FAAP100: variants seen among roughly 807,000 people sequenced by gnomAD.
The protein encoded by FAAP100 is FA core complex associated protein 100.
Under a neutral mutation model 65.8 loss-of-function variants are expected in FAAP100, and 46 were observed. The observed-to-expected ratio is 0.70, with a 90% CI of 0.55 to 0.89. FAAP100 has a LOEUF of 0.89. Ranked by LOEUF, FAAP100 falls within the 40% of genes least tolerant of loss-of-function variation. The pLI, the probability that FAAP100 is intolerant of heterozygous loss-of-function variation, is 0.00. For synonymous variants in FAAP100, 663 were observed against 555.1 expected (o/e 1.19, Z -2.73); for missense variants, 1,165 against 1,196.7 (o/e 0.97, Z 0.39).
At chr17:81,549,864 G>A (rs762590033) in intron 3 of FAAP100, among the ~76,000 whole-genome samples, 4 of 152,342 alleles carry the variant, frequency 2.6e-5, no homozygotes, top group African/African-American at 7.2e-5. Flanking sequence ...CATGACACGA[G>A]CAAGCGTTTG....
rs550476362 is a variant in FAAP100, at chr17:81,550,222, C to T, written c.1246+26G>A. 4.8e-5 allele frequency: 75 copies of T among 1,553,532 alleles called. 1 individual carries two copies. The South Asian group carries it at 6.6e-4, about 14-fold the overall frequency. On this transcript the variant is annotated intron_variant, in intron 3 of 8. Coordinates refer to ENST00000327787, the MANE Select transcript of FAAP100 (RefSeq NM_025161.6). ...AGGGTGCTCCACCCTGGGCTCCCAT[C>T]TTTCATTTTAGACAGCAGCTCATAC...
chr17:81,551,301 C>T (rs1284615020), intron 2 of FAAP100, 98 bp from the exon 3 acceptor site: 1 of 1,220,254 alleles, frequency 8.2e-7, no homozygotes, highest in Non-Finnish European at 1.1e-6. Flanking sequence ...CTCAGGGGTT[C>T]CCGCAGTGAC....
chr17:81,549,085 A>ATGGCC (rs2033406304), intron 4 of FAAP100, 121 bp downstream of exon 4: 2 of 897,294 alleles, frequency 2.2e-6, no homozygotes, highest in Non-Finnish European at 3.2e-6. Context: ...AGGCCAAGTA[A>ATGGCC]TGGCCTGGCC....
At position 81,541,401 on chromosome 17, in the gene FAAP100, G is replaced by T; in HGVS notation, c.2428-6C>A. ...GCCTGCTCTGTCACCATCGTCTGGG[G>T]GACACAGGAGACATGCTGGAGAGGG... On this transcript the variant is annotated splice_polypyrimidine_tract_variant and splice_region_variant and intron_variant, in intron 7 of 8. Coordinates refer to ENST00000327787, the MANE Select transcript of FAAP100 (RefSeq NM_025161.6). The T allele has an allele frequency of 6.3e-7, 1 of 1,597,716 alleles. No individual in the cohort carries two copies. Among genetic ancestry groups the T allele is most frequent in the Non-Finnish European group, 8.6e-7 (1 of 1,169,174 alleles).
intron 7 of FAAP100, among the ~76,000 whole-genome samples, chr17:81,542,568 G>A (rs1446302917): frequency 6.6e-6 from 1 of 152,106 alleles, no homozygotes; most frequent in East Asian, 1.9e-4. Context: ...TGTTCCTGGG[G>A]CGGGCACCTA....
Position 81,550,547 on chromosome 17 carries a change from C to T in FAAP100, c.947G>A (p.Gly316Asp). 6.2e-7 allele frequency: 1 copy of T among 1,612,880 alleles called. No homozygotes were observed. The highest frequency in any genetic ancestry group is 2.2e-5 in the East Asian group (1 of 44,888). Reference sequence around the variant, plus strand: ...GATGGCCAGCATCCGGCCGTGGTGACCAAAGGCCACCAGGCAGTCACAGTG... The same window carrying T: ...GATGGCCAGCATCCGGCCGTGGTGATCAAAGGCCACCAGGCAGTCACAGTG... ...DVHCDCLVAF[G>D]HHGRMLAIKA... is the part of the protein sequence containing the mutation. The change falls in exon 3 of 9, where the codon GGT becomes GAT. Residue 316 changes from glycine to aspartate, a missense_variant. Gly to Asp is a moderately conservative substitution (Grantham distance 94). Transcript: ENST00000327787.
rs1023937270 is a variant in FAAP100, at chr17:81,540,371, C to T, written c.*448G>A. The T allele has an allele frequency of 2.0e-5, 8 of 401,284 alleles. No individual in the cohort carries two copies. Among genetic ancestry groups the T allele is most frequent in the Non-Finnish European group, 3.1e-5 (7 of 227,744 alleles). The allele number at this position is 401,284 out of a possible 1,614,324, so 24.9% of individuals were successfully genotyped here. A position where few individuals can be genotyped will look rare whatever the true frequency, so the allele number is the denominator to read the frequency against. On this transcript the variant is annotated 3_prime_UTR_variant, in exon 9 of 9. Transcript: ENST00000327787. ...TGGTAGTGCCACCCAGAGGGGCAGC[C>T]GGTGCTCCTGGTGGTGTGGCAGCAA...
chr17:81,541,507 G>A, intron 7 of FAAP100, 112 bp from the exon 8 acceptor site: 1 of 922,926 alleles, frequency 1.1e-6, no homozygotes, highest in African/African-American at 1.6e-5. Context: ...CTCCCTGCCT[G>A]GCACCCCTCC....
rs1038811681 is a variant in FAAP100 at position 81,550,361 on chromosome 17, A to G, written c.1133T>C (p.Leu378Pro). The G allele has an allele frequency of 3.1e-6, 5 of 1,612,682 alleles. No homozygotes were observed. In the Admixed American group the frequency reaches 8.3e-5, roughly 27 times the overall value. ...VVDLSRGSTP[L>P]GPEQPEEGPG... Reference sequence around the variant, plus strand: ...GCCTTCTTCGGGCTGCTCAGGGCCCAGCGGGGTGCTTCCCCGAGACAGATC... The same window carrying G: ...GCCTTCTTCGGGCTGCTCAGGGCCCGGCGGGGTGCTTCCCCGAGACAGATC... Residue 378 changes from leucine (L) to proline (P), a missense_variant, in exon 3 of 9, where the codon CTG (leucine) becomes CCG (proline). Leu to Pro is a moderately conservative substitution (Grantham distance 98). Transcript: ENST00000327787.
Position 81,547,184 on chromosome 17 carries a change from G to A in FAAP100, c.1898C>T (p.Pro633Leu), listed in dbSNP as rs2033336175. The A allele has an allele frequency of 1.3e-6, 2 of 1,553,418 alleles. No individual in the cohort carries two copies. Among genetic ancestry groups the A allele is most frequent in the Non-Finnish European group, 1.7e-6 (2 of 1,147,246 alleles). ...FLDECPSDVL[P>L]EQEGVCLPLS... ...GGGCAGGCAAACACCCTCTTGCTCG[G>A]GCAGGACGTCGGAGGGGCACTCATC... The change falls in exon 5 of 9, where the codon CCC (proline) becomes CTC (leucine). Residue 633 changes from proline to leucine, a missense_variant. Physicochemically the swap from Pro to Leu is moderately conservative, Grantham distance 98. Coordinates refer to ENST00000327787, the MANE Select transcript of FAAP100 (RefSeq NM_025161.6).
Position 81,552,208 on chromosome 17 carries a change from G to C in FAAP100, c.123C>G (p.Ser41Arg). ...CCTGGTCGTACACGTAGACGAGCTC[G>C]CTCCCGGTGGACAGGAAGACCTCTG... Reference protein sequence around the residue: ...HEAEVFLSTGSELVYVYDQEG... With the variant: ...HEAEVFLSTGRELVYVYDQEG... The change falls in exon 1 of 9, where the codon AGC becomes AGG. Residue 41 changes from serine (S) to arginine (R), a missense_variant. Coordinates refer to ENST00000327787, the MANE Select transcript of FAAP100 (RefSeq NM_025161.6). 1 of 1,500,204 alleles carries C rather than the reference G, an allele frequency of 6.7e-7. No homozygotes were observed. The highest frequency in any genetic ancestry group is 2.8e-5 in the East Asian group (1 of 35,326). The allele number at this position is 1,500,204 out of a possible 1,614,324, so 92.9% of individuals were successfully genotyped here. A position where few individuals can be genotyped will look rare whatever the true frequency, so the allele number is the denominator to read the frequency against.
At chr17:81,548,225 G>A (rs985069240) in intron 4 of FAAP100, 1 of 570,406 alleles carries the variant, frequency 1.8e-6, no homozygotes. Context: ...CACTCAGTGT[G>A]TTCTCTCTGA....
At chr17:81,541,047 G>T in intron 8 of FAAP100, 97 bp from the exon 9 acceptor site, 1 of 1,411,652 alleles carries the variant, frequency 7.1e-7, no homozygotes, top group Non-Finnish European at 9.4e-7. Flanking sequence ...ACCCTACTTG[G>T]GAAGTGGCAG....
chr17:81,552,429 C>T, upstream of FAAP100: 1 of 1,140,754 alleles, frequency 8.8e-7, no homozygotes, highest in Non-Finnish European at 1.1e-6. Context: ...GCGACCTCCG[C>T]CGTAAAGCGG....
At chr17:81,548,101 CA>C (rs920666710) in intron 4 of FAAP100, 63 of 621,132 alleles carry the variant, frequency 1.0e-4, no homozygotes, top group Non-Finnish European at 1.6e-4. Context: ...CAGTGAAAAC[CA>C]GGGGGGTCGC....
At chr17:81,546,704 G>A (rs778930304) in intron 5 of FAAP100, among the ~76,000 whole-genome samples, 24 of 152,084 alleles carry the variant, frequency 1.6e-4, no homozygotes, top group African/African-American at 3.1e-4. Context: ...CCACAGGCCC[G>A]AGGTGGGTGG....
chr17:81,547,570 T>C lies in FAAP100; in HGVS notation c.1512A>G (p.Arg504=). ...TGGTGCTGGTGGTGCAGGAGATGGG[T>C]CTGGGGCCCGTGCCGCTTGACAGCA... ...CALLSSGTGP[R]PISCTTSTTW... The change falls in exon 5 of 9, where the codon AGA becomes AGG. Residue 504 remains arginine (R), a synonymous_variant. Transcript: ENST00000327787. 6.2e-7 allele frequency: 1 copy of C among 1,613,268 alleles called. No individual in the cohort carries two copies. The highest frequency in any genetic ancestry group is 1.3e-5 in the African/African-American group (1 of 74,994).
chr17:81,540,361 G>C lies in FAAP100; in HGVS notation c.*458C>G. 1 of 401,488 alleles carries C rather than the reference G, an allele frequency of 2.5e-6. No individual in the cohort carries two copies. Among genetic ancestry groups the C allele is most frequent in the Non-Finnish European group, 4.4e-6 (1 of 227,782 alleles). The allele number at this position is 401,488 out of a possible 1,614,324, so 24.9% of individuals were successfully genotyped here. On this transcript the variant is annotated 3_prime_UTR_variant, in exon 9 of 9. Coordinates refer to ENST00000327787, the MANE Select transcript of FAAP100 (RefSeq NM_025161.6). ...GTGGGGCACCTGGTAGTGCCACCCA[G>C]AGGGGCAGCCGGTGCTCCTGGTGGT...
Position 81,547,546 on chromosome 17 carries a change from G to C in FAAP100, c.1536C>G (p.Thr512=), listed in dbSNP as rs746545414. 1.2e-6 allele frequency: 2 copies of C among 1,613,472 alleles called. No individual in the cohort carries two copies. Among genetic ancestry groups the C allele is most frequent in the Non-Finnish European group, 1.7e-6 (2 of 1,180,020 alleles). ...GPRPISCTTS[T]TWSRLQTQDV... ...CCTGTGTCTGCAGGCGGCTCCAGGT[G>C]GTGCTGGTGGTGCAGGAGATGGGTC... Residue 512 remains threonine, a synonymous_variant, in exon 5 of 9, where the codon ACC becomes ACG. Transcript: ENST00000327787.
Sources: gnomAD v4.1 joint callset for allele counts (sites outside exome capture counted in the v4.1 genomes callset) on GRCh38, gnomAD v4.1.1 for gene constraint, MANE v1.5 for transcripts, NCBI Gene and HGNC (gene_info 2026-07-23, HGNC 2026-07-21) for gene names.